TRAPPC12: variants seen among roughly 807,000 people sequenced by gnomAD.
TRAPPC12 encodes the protein trafficking protein particle complex subunit 12, also known as TPR repeat protein 15.
Under a neutral mutation model 69.2 loss-of-function variants are expected in TRAPPC12, and 61 were observed. That is an observed-to-expected ratio of 0.88 (90% CI 0.72 to 1.09). The LOEUF (loss-of-function observed/expected upper bound fraction) is 1.09. TRAPPC12 is among the 50% of genes least tolerant of loss of function. The probability of loss-of-function intolerance (pLI) is 0.00; values close to 1 mark genes in which losing one functional copy is unlikely to be tolerated. For synonymous variants in TRAPPC12, 469 were observed against 438.9 expected (o/e 1.07, Z -0.86); for missense variants, 1,101 against 1,016.4 (o/e 1.08, Z -1.13).
chr2:3,476,752 T>G (rs1214800406), intron 9 of TRAPPC12, among the ~76,000 whole-genome samples: 1 of 152,198 alleles, frequency 6.6e-6, no homozygotes, highest in Non-Finnish European at 1.5e-5. Context: ...AGTATGATAG[T>G]GATGGGTGCC....
intron 5 of TRAPPC12, among the ~76,000 whole-genome samples, chr2:3,435,122 C>T (rs1459819720): frequency 6.6e-6 from 1 of 152,226 alleles, no homozygotes; most frequent in Non-Finnish European, 1.5e-5. Flanking sequence ...AAGCAGTTCT[C>T]CTGCCTCAGC....
intron 2 of TRAPPC12, among the ~76,000 whole-genome samples, chr2:3,400,660 G>A (rs1393335659): frequency 6.6e-6 from 1 of 152,198 alleles, no homozygotes; most frequent in Non-Finnish European, 1.5e-5. Flanking sequence ...TACTTACCCT[G>A]GACTCTCCCT....
intron 5 of TRAPPC12, among the ~76,000 whole-genome samples, chr2:3,439,235 A>G (rs1395510503): frequency 1.3e-5 from 2 of 152,178 alleles, no homozygotes; most frequent in Non-Finnish European, 1.5e-5. Context: ...TTATTGATAA[A>G]TCTTTATTGG....
At chr2:3,389,646 G>C (rs747908141) in intron 2 of TRAPPC12, 20 of 471,014 alleles carry the variant, frequency 4.2e-5, no homozygotes, top group South Asian at 3.1e-4. Flanking sequence ...ACTGCTTCCC[G>C]TTGAGTGGGG....
intron 6 of TRAPPC12, among the ~76,000 whole-genome samples, chr2:3,444,627 G>C (rs1423360285): frequency 6.6e-6 from 1 of 152,228 alleles, no homozygotes; most frequent in Non-Finnish European, 1.5e-5. Flanking sequence ...CAGTTATTAG[G>C]AGCAGCAGCA....
chr2:3,433,042 G>T (rs185956701), intron 5 of TRAPPC12, among the ~76,000 whole-genome samples: 87 of 152,186 alleles, frequency 5.7e-4, no homozygotes, highest in African/African-American at 1.9e-3. Flanking sequence ...TTTGTGTTTG[G>T]TTTGTTTTGT....
At chr2:3,389,615 A>T (rs1417495024) in intron 2 of TRAPPC12, 2 of 468,848 alleles carry the variant, frequency 4.3e-6, no homozygotes, top group Non-Finnish European at 4.4e-6. Flanking sequence ...TAACGGCTCT[A>T]AACGGGCGCA....
At chr2:3,451,051 T>C (rs1325061839) in intron 6 of TRAPPC12, among the ~76,000 whole-genome samples, 1 of 152,238 alleles carries the variant, frequency 6.6e-6, no homozygotes, top group African/African-American at 2.4e-5. Flanking sequence ...TCTTTAAATA[T>C]GAATAGGTTA....
chr2:3,383,435 G>A (rs1413916949), intron 1 of TRAPPC12, among the ~76,000 whole-genome samples: 1 of 132,680 alleles, frequency 7.5e-6, no homozygotes, highest in Non-Finnish European at 1.5e-5. Context: ...GTCTTTCTCT[G>A]TCACCCAGGC....
chr2:3,408,152 G>GTGCTTGAC (rs1661832673), intron 3 of TRAPPC12, among the ~76,000 whole-genome samples: 1 of 151,990 alleles, frequency 6.6e-6, no homozygotes, highest in Non-Finnish European at 1.5e-5. Context: ...CTCCAAACAC[G>GTGCTTGAC]TGTGCTTGAC....
intron 6 of TRAPPC12, chr2:3,455,325 A>G (rs1264783031): frequency 6.6e-6 from 1 of 152,334 alleles, no homozygotes; most frequent in Middle Eastern, 3.4e-3. Flanking sequence ...ATCAGGGTAA[A>G]TGGAGTATCC....
chr2:3,432,912 G>T (rs1379182991), intron 5 of TRAPPC12, among the ~76,000 whole-genome samples: 4 of 152,244 alleles, frequency 2.6e-5, no homozygotes, highest in Non-Finnish European at 5.9e-5. Flanking sequence ...TGTGGCAGAC[G>T]CGTACAGAGG....
chr2:3,441,163 G>T (rs1020338025), intron 5 of TRAPPC12, among the ~76,000 whole-genome samples: 1 of 151,876 alleles, frequency 6.6e-6, no homozygotes, highest in Non-Finnish European at 1.5e-5. Context: ...TTCTTGTAAC[G>T]TCTTTGTCTG....
chr2:3,394,454 C>G (rs1661002539), intron 2 of TRAPPC12, among the ~76,000 whole-genome samples: 1 of 152,072 alleles, frequency 6.6e-6, no homozygotes. Flanking sequence ...AACCCCATCT[C>G]TACTAAAAAT....
chr2:3,433,161 C>T (rs1029578770), intron 5 of TRAPPC12, among the ~76,000 whole-genome samples: 10 of 152,250 alleles, frequency 6.6e-5, no homozygotes, highest in African/African-American at 1.4e-4. Flanking sequence ...GTATCCCCAG[C>T]GTTGAGCACA....
chr2:3,383,551 T>C (rs61637832), intron 1 of TRAPPC12, among the ~76,000 whole-genome samples: 8,141 of 151,250 alleles, frequency 0.054, 742 homozygotes, highest in African/African-American at 0.18. Context: ...GGATTACAGG[T>C]GCCCGCCACC....
chr2:3,401,911 T>A lies in TRAPPC12; in HGVS notation c.1164+18T>A. Reference sequence around the variant, plus strand: ...AGCTAATCGTAAGTGACAATGTGTTTGATTTCAGTGTTGTTTTGTGATAAG... The same window carrying A: ...AGCTAATCGTAAGTGACAATGTGTTAGATTTCAGTGTTGTTTTGTGATAAG... On this transcript the variant is annotated intron_variant, in intron 3 of 11. Coordinates refer to ENST00000324266, the MANE Select transcript of TRAPPC12 (RefSeq NM_016030.6). The A allele has an allele frequency of 6.6e-7, 1 of 1,508,274 alleles. No individual in the cohort carries two copies. Among genetic ancestry groups the A allele is most frequent in the African/African-American group, 1.4e-5 (1 of 71,750 alleles). 93.4% of individuals were successfully genotyped at this position (1,508,274 alleles called of 1,614,324 possible). A position where few individuals can be genotyped will look rare whatever the true frequency, so the allele number is the denominator to read the frequency against.
chr2:3,458,215 T>C (rs1572191731), intron 7 of TRAPPC12: 1 of 992,762 alleles, frequency 1.0e-6, no homozygotes, highest in East Asian at 1.1e-4. Flanking sequence ...CATGAGCTGA[T>C]CTGCACAGTG....
chr2:3,470,071 T>A (rs575709507), intron 9 of TRAPPC12, among the ~76,000 whole-genome samples: 2 of 152,304 alleles, frequency 1.3e-5, no homozygotes, highest in African/African-American at 4.8e-5. Context: ...ATCGCGTCGA[T>A]GCTGAGTCTC....
Sources: allele counts gnomAD v4.1 joint callset (sites outside exome capture counted in the v4.1 genomes callset), GRCh38; gene constraint gnomAD v4.1.1; transcripts MANE v1.5; gene names NCBI Gene and HGNC (gene_info 2026-07-23, HGNC 2026-07-21).